Variants in PRMT5 observed in about 807,000 individuals in gnomAD.
PRMT5 encodes the protein protein arginine N-methyltransferase 5.
Under a neutral mutation model 84.0 loss-of-function variants are expected in PRMT5, and 15 were observed. The ratio of observed to expected loss-of-function variants is 0.18; its 90% CI spans 0.12 to 0.28. PRMT5 has a LOEUF of 0.28. PRMT5 is among the 10% of genes least tolerant of loss of function. The pLI is 1.00. For missense variants in PRMT5, 486 were observed against 808.0 expected (o/e 0.60, Z 4.83); for synonymous variants, 276 against 292.4 (o/e 0.94, Z 0.57).
chr14:22,922,905 TAAAAAAAGTTTTAC>T (rs1457563523), intron 13 of PRMT5, 70 bp from the exon 14 acceptor site: 9 of 1,504,698 alleles, frequency 6.0e-6, no homozygotes, highest in Middle Eastern at 1.8e-4. Flanking sequence ...CCCCAAGGAT[TAAAAAAAGTTTTAC>T]TTTAGTGCTT....
At position 22,924,968 on chromosome 14, in the gene PRMT5, G is replaced by C. The variant is rs2044384823; in HGVS notation, c.850C>G (p.Leu284Val). The C allele has an allele frequency of 5.0e-6, 8 of 1,614,082 alleles. No homozygotes were observed. The highest frequency in any genetic ancestry group is 6.8e-6 in the Non-Finnish European group (8 of 1,180,026). The change falls in exon 8 of 17, where the codon CTG (leucine) becomes GTG (valine). Residue 284 changes from leucine to valine, a missense_variant. Leu to Val is a conservative substitution (Grantham distance 32, BLOSUM62 1). Transcript: ENST00000324366. The surrounding 1 kb of genome is among the most constrained non-coding windows in gnomAD (Gnocchi z 6.5). ...GGACGGTTCTGGCTTAAGTATTCCAGGTATTGGAGGTAGGAGCAGAACTCC... is the reference window on the plus strand; with the variant it reads ...GGACGGTTCTGGCTTAAGTATTCCACGTATTGGAGGTAGGAGCAGAACTCC... ...EKEFCSYLQY[L>V]EYLSQNRPPP...
At position 22,929,289 on chromosome 14, in the gene PRMT5, C is replaced by A; in HGVS notation, c.73G>T (p.Glu25Ter). The A allele has an allele frequency of 6.2e-7, 1 of 1,613,806 alleles. No individual in the cohort carries two copies. The highest frequency in any genetic ancestry group is 8.5e-7 in the Non-Finnish European group (1 of 1,179,920). ...SSGRDLNCVP[E>*]IADTLGAVAK... ...ACAGCCCCTAGTGTGTCAGCTATTT[C>A]GGGGACGCAATTCAGGTCCCTCCCG... Residue 25 changes from glutamate (E) to a stop codon, truncating the protein, a stop_gained, in exon 1 of 17, where the codon GAA becomes TAA. Coordinates refer to ENST00000324366, the MANE Select transcript of PRMT5 (RefSeq NM_006109.5). LOFTEE classifies it high-confidence loss of function.
In PRMT5 at chr14:22,928,766, A is replaced by C. The variant is rs1208578008; in HGVS notation, c.111-151T>G. On this transcript the variant is annotated intron_variant, in intron 1 of 16. Coordinates refer to ENST00000324366, the MANE Select transcript of PRMT5 (RefSeq NM_006109.5). This position sits in a 1 kb window ranked among gnomAD's most constrained non-coding sequence, Gnocchi z 4.8. The stretch of plus-strand genomic sequence containing the variant: ...TGCTGAGTTCAGACCACCTTGGGGG[A>C]TATCAACTCTGCTGTACTGTGCCTC... The C allele has an allele frequency of 7.1e-6, 5 of 708,364 alleles. No homozygotes were observed. Among genetic ancestry groups the C allele is most frequent in the Non-Finnish European group, 1.0e-5 (4 of 392,654 alleles). 43.9% of individuals were successfully genotyped at this position (708,364 alleles called of 1,614,324 possible).
intron 7 of PRMT5, among the ~76,000 whole-genome samples, chr14:22,925,336 T>G (rs1175078543): frequency 2.0e-5 from 3 of 151,716 alleles, no homozygotes; most frequent in Admixed American, 6.6e-5. Flanking sequence ...TTTGTATTTT[T>G]AGTAGAGACG....
At chr14:22,922,287 C>T in intron 15 of PRMT5, 47 bp from the exon 16 acceptor site, 7 of 1,524,676 alleles carry the variant, frequency 4.6e-6, no homozygotes, top group Non-Finnish European at 5.5e-6. Flanking sequence ...ATGGCTGTGA[C>T]TTTTGCCTAT....
In PRMT5 at chr14:22,926,027, A is replaced by C. The variant is rs2044410487; in HGVS notation, c.777+106T>G. The C allele has an allele frequency of 2.4e-6, 3 of 1,267,508 alleles. No homozygotes were observed. In the African/African-American group the frequency reaches 4.5e-5, roughly 19 times the overall value. The allele number at this position is 1,267,508 out of a possible 1,614,324, so 78.5% of individuals were successfully genotyped here. ...CCCAACTTCACTGAAATTGCTCCCCAGAAACCAAAGAAAAAGAGTCAGCCT... is the reference window on the plus strand; with the variant it reads ...CCCAACTTCACTGAAATTGCTCCCCCGAAACCAAAGAAAAAGAGTCAGCCT... On this transcript the variant is annotated intron_variant, in intron 7 of 16. Coordinates refer to ENST00000324366, the MANE Select transcript of PRMT5 (RefSeq NM_006109.5).
At chr14:22,921,610 C>T (rs374158301) in intron 16 of PRMT5, among the ~76,000 whole-genome samples, 1 of 152,082 alleles carries the variant, frequency 6.6e-6, no homozygotes, top group Non-Finnish European at 1.5e-5. Context: ...TCAGGCCAGG[C>T]GCGGTGGCTC....
At position 22,928,544 on chromosome 14, in the gene PRMT5, T is replaced by G; in HGVS notation, c.182A>C (p.Asn61Thr). ...TGATCGTGTCTGGGGACCGGGCCGA[T>G]TCTTAGCAGGTTCCTGAATGAACTC... ...KREFIQEPAK[N>T]RPGPQTRSDL... is the part of the protein sequence containing the mutation. The change falls in exon 2 of 17, where the codon AAT becomes ACT. Residue 61 changes from asparagine (N) to threonine (T), a missense_variant. Coordinates refer to ENST00000324366, the MANE Select transcript of PRMT5 (RefSeq NM_006109.5). This position sits in a 1 kb window ranked among gnomAD's most constrained non-coding sequence, Gnocchi z 4.8. 6.2e-7 allele frequency: 1 copy of G among 1,614,114 alleles called. No individual in the cohort carries two copies. Among genetic ancestry groups the G allele is most frequent in the South Asian group, 1.1e-5 (1 of 91,076 alleles).
chr14:22,923,053 C>T lies in PRMT5; in HGVS notation c.1483G>A (p.Glu495Lys). The T allele has an allele frequency of 6.2e-7, 1 of 1,605,330 alleles. No individual in the cohort carries two copies. The highest frequency in any genetic ancestry group is 8.5e-7 in the Non-Finnish European group (1 of 1,173,584). ...TTCCAGAGAGAGTGGTTCTTTACCT[C>T]AGGGTCACGGTCCTTCTCCCTACAG... The part of the protein sequence containing the change: ...RACREKDRDP[E>K]AQFEMPYVVR... The change falls in exon 13 of 17, where the codon GAG becomes AAG. Residue 495 changes from glutamate (E) to lysine (K), a missense_variant and splice_region_variant. Physicochemically the swap from Glu to Lys is moderately conservative, Grantham distance 56 (BLOSUM62 1). Transcript: ENST00000324366. The surrounding 1 kb of genome is among the most constrained non-coding windows in gnomAD (Gnocchi z 5.2).
chr14:22,928,290 CA>C lies in PRMT5; in HGVS notation c.230-80del. 2 of 1,497,226 alleles carry C rather than the reference CA, an allele frequency of 1.3e-6. No individual in the cohort carries two copies. Among genetic ancestry groups the C allele is most frequent in the East Asian group, 4.5e-5 (2 of 44,198 alleles). The allele number at this position is 1,497,226 out of a possible 1,614,324, so 92.7% of individuals were successfully genotyped here. A position where few individuals can be genotyped will look rare whatever the true frequency, so the allele number is the denominator to read the frequency against. On this transcript the variant is annotated intron_variant, in intron 2 of 16. Coordinates refer to ENST00000324366, the MANE Select transcript of PRMT5 (RefSeq NM_006109.5). The surrounding 1 kb of genome is among the most constrained non-coding windows in gnomAD (Gnocchi z 4.8). ...TTGTTCAATTTTTAGTTTTGGGAATCAAGAGTAGAAATGAGAGACAAAGGTT... is the reference window on the plus strand; with the variant it reads ...TTGTTCAATTTTTAGTTTTGGGAATCAGAGTAGAAATGAGAGACAAAGGTT...
At chr14:22,929,199 C>T (rs757649261) in intron 1 of PRMT5, 53 bp downstream of exon 1, 22 of 1,613,962 alleles carry the variant, frequency 1.4e-5, no homozygotes, top group Non-Finnish European at 1.8e-5. Context: ...GTCTGCCCTT[C>T]TCCGTCCCCG....
Position 22,926,135 on chromosome 14 carries a change from TGAG to T in PRMT5, c.772_774del (p.Leu258del). 6.2e-7 allele frequency: 1 copy of T among 1,608,544 alleles called. No individual in the cohort carries two copies. The highest frequency in any genetic ancestry group is 8.5e-7 in the Non-Finnish European group (1 of 1,175,026). On this transcript the variant is annotated inframe_deletion, in exon 7 of 17. Transcript: ENST00000324366. ...TTTAGAACCCTCCTACCACTCACCT[TGAG>T]GAGCCGGAAGATGAGCCTCTGGTGC...
chr14:22,925,102 A>C, intron 7 of PRMT5, 62 bp from the exon 8 acceptor site: 4 of 1,558,342 alleles, frequency 2.6e-6, no homozygotes, highest in Non-Finnish European at 2.6e-6. Flanking sequence ...ATATTATGGT[A>C]TATGGCCAAA....
intron 7 of PRMT5, 126 bp from the exon 8 acceptor site, chr14:22,925,166 T>TA (rs147925144): frequency 2.9e-4 from 237 of 822,020 alleles, no homozygotes; most frequent in East Asian, 5.5e-4. Context: ...TTTTTTTTTT[T>TA]AAAAAAAAAG....
chr14:22,925,303 C>T (rs558734121), intron 7 of PRMT5, among the ~76,000 whole-genome samples: 30 of 152,058 alleles, frequency 2.0e-4, no homozygotes, highest in South Asian at 4.2e-4. Context: ...ACTACAGGTG[C>T]GTGCCACCAT....
At position 22,928,987 on chromosome 14, in the gene PRMT5, T is replaced by C; in HGVS notation, c.110+265A>G. 1 of 743,170 alleles carries C rather than the reference T, an allele frequency of 1.3e-6. No homozygotes were observed. The highest frequency in any genetic ancestry group is 2.2e-6 in the Non-Finnish European group (1 of 462,236). The allele number at this position is 743,170 out of a possible 1,614,324, so 46.0% of individuals were successfully genotyped here. ...CTTGCCCCCTAACACCTCCTCCCAC[T>C]CCCAGACAATAATCGCGACCTCCAG... On this transcript the variant is annotated intron_variant, in intron 1 of 16. Coordinates refer to ENST00000324366, the MANE Select transcript of PRMT5 (RefSeq NM_006109.5). The surrounding 1 kb of genome is among the most constrained non-coding windows in gnomAD (Gnocchi z 4.8).
rs779472233 is a variant in PRMT5 at position 22,924,544 on chromosome 14, G to A, written c.1018-7C>T. The A allele has an allele frequency of 2.5e-6, 4 of 1,613,916 alleles. No homozygotes were observed. The highest frequency in any genetic ancestry group is 1.1e-5 in the South Asian group (1 of 91,076). On this transcript the variant is annotated splice_region_variant and splice_polypyrimidine_tract_variant and intron_variant, in intron 9 of 16. Coordinates refer to ENST00000324366, the MANE Select transcript of PRMT5 (RefSeq NM_006109.5). This position sits in a 1 kb window ranked among gnomAD's most constrained non-coding sequence, Gnocchi z 6.5. ...GCAGACATTTATAGATGGCCTGGAG[G>A]GAGGAGAGAATATCCCATGGTTGTA...
chr14:22,924,338 C>G lies in PRMT5; in HGVS notation c.1131G>C (p.Arg377=). ...TCCGCCGGTCGGCCTGCTTGGCTGC[C>G]CGCAGGGAAGCGTTCACCAGGGGTC... The part of the protein sequence containing the change: ...GRGPLVNASL[R]AAKQADRRIK... Residue 377 remains arginine (R), a synonymous_variant, in exon 11 of 17, where the codon CGG becomes CGC. Coordinates refer to ENST00000324366, the MANE Select transcript of PRMT5 (RefSeq NM_006109.5). This position sits in a 1 kb window ranked among gnomAD's most constrained non-coding sequence, Gnocchi z 6.5. The G allele has an allele frequency of 6.2e-7, 1 of 1,614,090 alleles. No individual in the cohort carries two copies. The highest frequency in any genetic ancestry group is 8.5e-7 in the Non-Finnish European group (1 of 1,180,032).
intron 4 of PRMT5, among the ~76,000 whole-genome samples, 192 bp downstream of exon 4, chr14:22,927,334 T>C (rs1301326948): frequency 9.9e-5 from 15 of 151,978 alleles, no homozygotes; most frequent in Admixed American, 9.8e-4. Context: ...GGTCTCGAAC[T>C]CCTGAGCTCA....
Sources: gnomAD v4.1 joint callset for allele counts (sites outside exome capture counted in the v4.1 genomes callset) on GRCh38, gnomAD v4.1.1 for gene constraint, Gnocchi (gnomAD v3.1) non-coding constraint, MANE v1.5 for transcripts, NCBI Gene and HGNC (gene_info 2026-07-23, HGNC 2026-07-21) for gene names.